The following RPTOR variants were observed in gnomAD, a reference collection of about 807,000 sequenced individuals.
RPTOR encodes regulatory associated protein of MTOR complex 1.
Under a neutral mutation model 169.9 loss-of-function variants are expected in RPTOR, and 21 were observed. The ratio of observed to expected loss-of-function variants is 0.12; its 90% CI spans 0.09 to 0.18. The LOEUF is 0.18. RPTOR is among the 10% of genes least tolerant of loss of function. RPTOR has a pLI of 1.00. For missense variants in RPTOR, 1,133 were observed against 1,855.9 expected (o/e 0.61, Z 7.16); for synonymous variants, 732 against 753.2 (o/e 0.97, Z 0.46).
intron 3 of RPTOR, among the ~76,000 whole-genome samples, chr17:80,675,430 G>C (rs4255830): frequency 6.6e-6 from 1 of 151,962 alleles, no homozygotes; most frequent in Admixed American, 6.6e-5. Context: ...CCTCCTCTCT[G>C]TTTATTACTA....
chr17:80,622,894 C>A (rs2065365134), intron 1 of RPTOR, among the ~76,000 whole-genome samples: 3 of 152,006 alleles, frequency 2.0e-5, no homozygotes, highest in Admixed American at 1.3e-4. Context: ...CAGAGTGAGA[C>A]CCCACCTCAA....
At position 80,651,111 on chromosome 17, in the gene RPTOR, C is replaced by A. The variant is rs1377141714; in HGVS notation, c.348+7301C>A. Reference sequence around the variant, plus strand: ...AGATCTCACGTGCCATGTGTGTTTCCTGAGTTAACTTGGGGACCGTGATAC... The same window carrying A: ...AGATCTCACGTGCCATGTGTGTTTCATGAGTTAACTTGGGGACCGTGATAC... On this transcript the variant is annotated intron_variant, in intron 3 of 33. Coordinates refer to ENST00000306801, the MANE Select transcript of RPTOR (RefSeq NM_020761.3). The surrounding 1 kb of genome is among the most constrained non-coding windows in gnomAD (Gnocchi z 4.1). Among the ~76,000 whole-genome samples, 1 of 152,130 alleles carries A rather than the reference C, an allele frequency of 6.6e-6. No individual in the cohort carries two copies. Among genetic ancestry groups the A allele is most frequent in the Admixed American group, 6.5e-5 (1 of 15,276 alleles).
chr17:80,743,720 TACGAGCACAGCCCTGGC>T (rs1250885176), intron 5 of RPTOR, among the ~76,000 whole-genome samples: 7 of 150,108 alleles, frequency 4.7e-5, no homozygotes, highest in Admixed American at 1.3e-4. Flanking sequence ...CTGTCCTGGC[TACGAGCACAGCCCTGGC>T]TACTAGCAGA....
chr17:80,793,030 T>C (rs1416645600), intron 7 of RPTOR, among the ~76,000 whole-genome samples: 1 of 152,164 alleles, frequency 6.6e-6, no homozygotes, highest in African/African-American at 2.4e-5. Flanking sequence ...AGGCTGGTCT[T>C]GAACGCCTGG....
At chr17:80,869,489 CA>C (rs2068028965) in intron 13 of RPTOR, among the ~76,000 whole-genome samples, 1 of 152,148 alleles carries the variant, frequency 6.6e-6, no homozygotes, top group Admixed American at 6.5e-5. Flanking sequence ...GAAACACCCC[CA>C]AAAATGTGGG....
At chr17:80,763,904 A>G (rs1182072925) in intron 6 of RPTOR, among the ~76,000 whole-genome samples, 5 of 152,078 alleles carry the variant, frequency 3.3e-5, no homozygotes, top group Non-Finnish European at 7.4e-5. Flanking sequence ...TTACACATTT[A>G]TTTGACTTCA....
rs7209142 is a variant in RPTOR, at chr17:80,753,501, C to T, written c.655-509C>T. On this transcript the variant is annotated intron_variant, in intron 5 of 33. Transcript: ENST00000306801. ...TACAAAAATTAGCCGGGCATGGTGG[C>T]GTGCGCCTGTAGTCCCAGCTACTCG... Among the ~76,000 whole-genome samples the T allele has an allele frequency of 5.0e-3, 755 of 151,550 alleles. 4 individuals are homozygous for T. Among genetic ancestry groups the T allele is most frequent in the African/African-American group, 0.017 (711 of 41,316 alleles).
At chr17:80,720,073 G>A (rs189323747) in intron 4 of RPTOR, among the ~76,000 whole-genome samples, 1 of 152,082 alleles carries the variant, frequency 6.6e-6, no homozygotes, top group African/African-American at 2.4e-5. Context: ...AGGCCGAGGC[G>A]GGCGGATCAC....
chr17:80,717,021 CT>C (rs548300633), intron 4 of RPTOR, among the ~76,000 whole-genome samples: 37 of 152,196 alleles, frequency 2.4e-4, no homozygotes, highest in Middle Eastern at 3.4e-3. Flanking sequence ...CAGATTTGTT[CT>C]TTTTGCTTAG....
Position 80,695,976 on chromosome 17 carries a change from A to G in RPTOR, c.349-11865A>G, listed in dbSNP as rs889145927. Among the ~76,000 whole-genome samples the G allele has an allele frequency of 2.0e-5, 3 of 152,174 alleles. No homozygotes were observed. The highest frequency in any genetic ancestry group is 1.3e-4 in the Admixed American group (2 of 15,280). On this transcript the variant is annotated intron_variant, in intron 3 of 33. Transcript: ENST00000306801. The surrounding 1 kb of genome is among the most constrained non-coding windows in gnomAD (Gnocchi z 4.9). ...GCAGAGGATGCTGGTTACATCTTAG[A>G]TGGAAATTGGCCGTGTCTCTGCTGT...
chr17:80,570,533 T>C (rs1377408144), intron 1 of RPTOR, among the ~76,000 whole-genome samples: 1 of 152,180 alleles, frequency 6.6e-6, no homozygotes, highest in Non-Finnish European at 1.5e-5. Flanking sequence ...CAGTCTCGGC[T>C]CACTGCAACC....
chr17:80,644,083 G>C (rs2065574086), intron 3 of RPTOR, among the ~76,000 whole-genome samples: 1 of 152,200 alleles, frequency 6.6e-6, no homozygotes, highest in African/African-American at 2.4e-5. Flanking sequence ...AAAAGAAAAA[G>C]TATTCTTTTC....
Position 80,939,529 on chromosome 17 carries a change from G to A in RPTOR, c.2920-967G>A, listed in dbSNP as rs572388347. ...CTGTCTCATTAGGGAAGGCACTGAA[G>A]TTCTCACGAGTTAGTTTAACCCCAG... On this transcript the variant is annotated intron_variant, in intron 24 of 33. Coordinates refer to ENST00000306801, the MANE Select transcript of RPTOR (RefSeq NM_020761.3). Among the ~76,000 whole-genome samples the A allele has an allele frequency of 3.3e-5, 5 of 152,334 alleles. No individual in the cohort carries two copies. In the South Asian group the frequency reaches 1.0e-3, roughly 32 times the overall value.
chr17:80,634,842 CGT>C lies in RPTOR; in HGVS notation c.266-8878_266-8877del, dbSNP rs1426528780. Among the ~76,000 whole-genome samples, 400 of 67,796 alleles carry C rather than the reference CGT, an allele frequency of 5.9e-3. 8 individuals are homozygous for C. The highest frequency in any genetic ancestry group is 0.022 in the African/African-American group (357 of 16,484). 44.5% of individuals were successfully genotyped at this position (67,796 alleles called of 152,430 possible). A position where few individuals can be genotyped will look rare whatever the true frequency, so the allele number is the denominator to read the frequency against. ...GTGCATACTGTGTGTGTGTGCATAC[CGT>C]GTGTGTGCATACCGTGTGTGTGTGC... On this transcript the variant is annotated intron_variant, in intron 2 of 33. Coordinates refer to ENST00000306801, the MANE Select transcript of RPTOR (RefSeq NM_020761.3).
chr17:80,788,678 G>A (rs2067017673), intron 6 of RPTOR, among the ~76,000 whole-genome samples: 2 of 152,040 alleles, frequency 1.3e-5, no homozygotes, highest in African/African-American at 4.8e-5. Flanking sequence ...CCTAATTTAT[G>A]ATGTTCTTCC....
intron 3 of RPTOR, among the ~76,000 whole-genome samples, chr17:80,694,949 A>G (rs1291792219): frequency 1.3e-5 from 2 of 152,122 alleles, no homozygotes; most frequent in Non-Finnish European, 2.9e-5. Flanking sequence ...GCTATATCCA[A>G]GGAGGGTGAG....
At chr17:80,634,201 CTG>C (rs67850541) in intron 2 of RPTOR, among the ~76,000 whole-genome samples, 22,300 of 107,660 alleles carry the variant, frequency 0.21, 2,371 homozygotes, top group East Asian at 0.29. Context: ...TGTGTGCATA[CTG>C]TGTGTGCATA....
intron 20 of RPTOR, among the ~76,000 whole-genome samples, chr17:80,902,088 C>T (rs570941566): frequency 3.3e-5 from 5 of 152,268 alleles, no homozygotes; most frequent in East Asian, 1.9e-4. Flanking sequence ...CTCAGCCCTT[C>T]GTCTGGCCTG....
chr17:80,674,787 C>CA lies in RPTOR; in HGVS notation c.348+31015dup, dbSNP rs9319608. 8.9e-5 allele frequency among the ~76,000 whole-genome samples: 8 copies of CA among 89,974 alleles called. 1 individual carries two copies. The highest frequency in any genetic ancestry group is 2.9e-4 in the African/African-American group (7 of 24,500). The allele number at this position is 89,974 out of a possible 152,430, so 59.0% of individuals were successfully genotyped here. On this transcript the variant is annotated intron_variant, in intron 3 of 33. Transcript: ENST00000306801. Reference sequence around the variant, plus strand: ...TGGGCAACAGAGCAAGACTCTGTCTCAAAAAAAAAAAAAAAAAAAAAAAAA... The same window carrying CA: ...TGGGCAACAGAGCAAGACTCTGTCTCAAAAAAAAAAAAAAAAAAAAAAAAAA...
Sources: gnomAD v4.1 joint callset for allele counts (sites outside exome capture counted in the v4.1 genomes callset) on GRCh38, gnomAD v4.1.1 for gene constraint, Gnocchi (gnomAD v3.1) non-coding constraint, MANE v1.5 for transcripts, NCBI Gene and HGNC (gene_info 2026-07-23, HGNC 2026-07-21) for gene names.